NTRK1: variants seen among roughly 807,000 people sequenced by gnomAD.
NTRK1 encodes neurotrophic receptor tyrosine kinase 1, also known as high affinity nerve growth factor receptor.
Under a neutral mutation model 86.8 loss-of-function variants are expected in NTRK1, and 62 were observed. The observed-to-expected ratio is 0.71, with a 90% CI of 0.58 to 0.88. The LOEUF is 0.88. NTRK1 is among the 40% of genes least tolerant of loss of function. The pLI is 0.00. For synonymous variants in NTRK1, 469 were observed against 456.6 expected (o/e 1.03, Z -0.35); for missense variants, 967 against 1,078.4 (o/e 0.90, Z 1.45).
intron 1 of NTRK1, chr1:156,816,740 G>GGTGT: frequency 6.3e-7 from 1 of 1,580,228 alleles, no homozygotes; most frequent in Non-Finnish European, 8.6e-7. Flanking sequence ...CCCAGAGCAG[G>GGTGT]GTGTGTGTAT....
At chr1:156,840,914 G>A (rs752943129) in intron 1 of NTRK1, 1 of 1,614,072 alleles carries the variant, frequency 6.2e-7, no homozygotes, top group Admixed American at 1.7e-5. Flanking sequence ...CAGTCTCTTG[G>A]AGTGGGTGAG....
At chr1:156,844,344 T>G in intron 2 of NTRK1, 1 of 1,561,566 alleles carries the variant, frequency 6.4e-7, no homozygotes, top group Non-Finnish European at 8.8e-7. Flanking sequence ...AAGGTCATGC[T>G]TCTCTTTCCA....
chr1:156,866,427 G>A (rs886107119), intron 3 of NTRK1, among the ~76,000 whole-genome samples: 4 of 152,182 alleles, frequency 2.6e-5, no homozygotes, highest in Admixed American at 1.3e-4. Flanking sequence ...AGGAGGGCCC[G>A]GAAGGAGGAG....
intron 1 of NTRK1, among the ~76,000 whole-genome samples, chr1:156,817,047 T>TTCTCTCTCTCTCTC (rs3840456): frequency 0.06 from 6,797 of 113,712 alleles, 548 homozygotes; most frequent in African/African-American, 0.091. Context: ...GAACTTCCCT[T>TTCTCTCTCTCTCTC]TCTCTCTCTC....
In NTRK1 at chr1:156,853,638, G is replaced by A. The variant is rs542510694; in HGVS notation, c.51-10716G>A. On this transcript the variant is annotated intron_variant, in intron 2 of 16. Coordinates refer to the NTRK1 transcript ENST00000392302. ...TTACCTGCCTCATAGGATGAGTGAG[G>A]ATTAAAAAACAGTGGCAGCTGAAAG... 3.8e-6 allele frequency: 4 copies of A among 1,063,010 alleles called. No homozygotes were observed. In the East Asian group the frequency reaches 9.6e-5, roughly 26 times the overall value. 65.8% of individuals were successfully genotyped at this position (1,063,010 alleles called of 1,614,324 possible).
chr1:156,874,029 T>C, intron 8 of NTRK1, 70 bp downstream of exon 8: 1 of 1,463,886 alleles, frequency 6.8e-7, no homozygotes, highest in South Asian at 1.2e-5. Context: ...CTTCCTGCTA[T>C]AGCCCTGACC....
rs2102924716 is a variant in NTRK1 at position 156,879,248 on chromosome 1, G to A, written c.1932G>A (p.Leu644=). The part of the protein sequence containing the change: ...VAAGMVYLAG[L]HFVHRDLATR... Reference sequence around the variant, plus strand: ...CGGGGATGGTGTACCTGGCGGGTCTGCATTTTGTGCACCGGGACCTGGCCA... The same window carrying A: ...CGGGGATGGTGTACCTGGCGGGTCTACATTTTGTGCACCGGGACCTGGCCA... The change falls in exon 15 of 17, where the codon CTG becomes CTA. Residue 644 remains leucine, a synonymous_variant. Transcript: ENST00000524377. The A allele has an allele frequency of 6.2e-7, 1 of 1,614,032 alleles. No homozygotes were observed. The highest frequency in any genetic ancestry group is 8.5e-7 in the Non-Finnish European group (1 of 1,180,038).
intron 2 of NTRK1, chr1:156,846,751 G>C: frequency 6.2e-7 from 1 of 1,613,350 alleles, no homozygotes; most frequent in Non-Finnish European, 8.5e-7. Flanking sequence ...TGGCGTTCTG[G>C]AATGGGCTGA....
At chr1:156,869,589 A>G (rs1426875778) in intron 6 of NTRK1, among the ~76,000 whole-genome samples, 2 of 152,234 alleles carry the variant, frequency 1.3e-5, no homozygotes, top group African/African-American at 4.8e-5. Context: ...TGACTTTCAG[A>G]AAAATCCCTT....
rs2102932066 is a variant in NTRK1, at chr1:156,881,763, G to T, written c.*121G>T. ...GTATCTAATTCACCCTCAGCATGTG[G>T]GAAGGGACAGGTGGGGGCTGGGAGT... On this transcript the variant is annotated 3_prime_UTR_variant, in exon 17 of 17. Transcript: ENST00000524377. The T allele has an allele frequency of 2.0e-6, 2 of 1,009,044 alleles. No individual in the cohort carries two copies. Among genetic ancestry groups the T allele is most frequent in the South Asian group, 3.5e-5 (2 of 56,432 alleles). The allele number at this position is 1,009,044 out of a possible 1,614,324, so 62.5% of individuals were successfully genotyped here. A position where few individuals can be genotyped will look rare whatever the true frequency, so the allele number is the denominator to read the frequency against.
At chr1:156,853,751 C>T (rs1325948939) in intron 2 of NTRK1, 1 of 1,595,056 alleles carries the variant, frequency 6.3e-7, no homozygotes. Context: ...CCAGTGCCCA[C>T]CTCTCTGGCA....
At chr1:156,868,024 C>A in intron 4 of NTRK1, 80 bp from the exon 5 acceptor site, 1 of 1,527,378 alleles carries the variant, frequency 6.5e-7, no homozygotes, top group Non-Finnish European at 9.0e-7. Context: ...GTCCTCCCTG[C>A]TGCCTAACTG....
intron 1 of NTRK1, among the ~76,000 whole-genome samples, chr1:156,864,101 G>A (rs1655811119): frequency 6.6e-6 from 1 of 152,152 alleles, no homozygotes; most frequent in Non-Finnish European, 1.5e-5. Context: ...ATATGTGTGA[G>A]GGTGTGGGGA....
intron 1 of NTRK1, among the ~76,000 whole-genome samples, chr1:156,863,275 A>C (rs1655766570): frequency 6.6e-6 from 1 of 151,512 alleles, no homozygotes; most frequent in South Asian, 2.1e-4. Flanking sequence ...CCCTCCCCTT[A>C]TCTGTCTTCC....
intron 13 of NTRK1, 42 bp downstream of exon 13, chr1:156,876,252 C>T: frequency 6.2e-7 from 1 of 1,612,756 alleles, no homozygotes; most frequent in Non-Finnish European, 8.5e-7. Context: ...CTGGGTCCCA[C>T]CCCCAGGAGC....
upstream of NTRK1, among the ~76,000 whole-genome samples, chr1:156,859,533 G>GC (rs903664629): frequency 5.3e-5 from 8 of 152,290 alleles, no homozygotes; most frequent in African/African-American, 1.9e-4. The surrounding 1 kb of genome is among the most constrained non-coding windows in gnomAD (Gnocchi z 6.2). Context: ...GCCTCTGGGA[G>GC]CCCCTCTCAG....
At chr1:156,849,513 G>GGGGGGGGGGGGGGGGGGGA in intron 2 of NTRK1, 1 of 486,122 alleles carries the variant, frequency 2.1e-6, no homozygotes, top group Non-Finnish European at 4.1e-6. Context: ...CAGGGGGTGG[G>GGGGGGGGGGGGGGGGGGGA]AAAGGGGATG....
At chr1:156,850,911 A>C (rs532636325) in intron 2 of NTRK1, among the ~76,000 whole-genome samples, 8 of 152,212 alleles carry the variant, frequency 5.3e-5, no homozygotes, top group Non-Finnish European at 1.5e-5. Flanking sequence ...CTTGACTGGC[A>C]GATGATAGGA....
At chr1:156,856,008 A>G (rs1466213131), upstream of NTRK1, among the ~76,000 whole-genome samples, 4 of 151,860 alleles carry the variant, frequency 2.6e-5, no homozygotes, top group East Asian at 5.8e-4. Flanking sequence ...TGGGAGGATC[A>G]TAGTTTGCTG....
Sources: gnomAD v4.1 joint callset for allele counts (sites outside exome capture counted in the v4.1 genomes callset) on GRCh38, gnomAD v4.1.1 for gene constraint, Gnocchi (gnomAD v3.1) non-coding constraint, MANE v1.5 for transcripts, NCBI Gene and HGNC (gene_info 2026-07-23, HGNC 2026-07-21) for gene names.